Variants in RELA observed in about 807,000 individuals in gnomAD.
The protein encoded by RELA is transcription factor p65.
A neutral mutation model predicts 56.7 loss-of-function variants in RELA; 14 were observed. The observed-to-expected ratio is 0.25, with a 90% CI of 0.16 to 0.39. The LOEUF (loss-of-function observed/expected upper bound fraction) is 0.39, where lower values mean the gene tolerates loss of function less well. RELA is among the 10% of genes least tolerant of loss of function. The pLI is 1.00. For missense variants in RELA, 559 were observed against 736.4 expected (o/e 0.76, Z 2.79); for synonymous variants, 315 against 289.7 (o/e 1.09, Z -0.89).
In RELA at chr11:65,658,090, G is replaced by A. The variant is rs556320179; in HGVS notation, c.877+197C>T. Among the ~76,000 whole-genome samples the A allele has an allele frequency of 6.6e-6, 1 of 152,308 alleles. No homozygotes were observed. The highest frequency in any genetic ancestry group is 2.1e-4 in the South Asian group (1 of 4,822). On this transcript the variant is annotated intron_variant, in intron 8 of 10. Coordinates refer to ENST00000406246, the MANE Select transcript of RELA (RefSeq NM_021975.4). This position sits in a 1 kb window ranked among gnomAD's most constrained non-coding sequence, Gnocchi z 4.5. The stretch of plus-strand genomic sequence containing the variant: ...TAATCCAGTGAAGTGCCTGGAATAG[G>A]GGCAGATGTGTAGTACTAGCTCAAT...
chr11:65,660,317 G>A (rs1217989402), intron 4 of RELA, 102 bp from the exon 5 acceptor site: 2 of 1,009,372 alleles, frequency 2.0e-6, no homozygotes, highest in East Asian at 2.5e-5. Context: ...CTAGATCATC[G>A]CTCCATGCCT....
chr11:65,657,044 C>A (rs969216298), intron 8 of RELA, among the ~76,000 whole-genome samples: 9 of 130,456 alleles, frequency 6.9e-5, no homozygotes, highest in Non-Finnish European at 8.3e-5. Flanking sequence ...CAAACAAAAC[C>A]AAACCAGAAA....
At chr11:65,662,422 G>C (rs1398579574) in intron 1 of RELA, 5 of 555,266 alleles carry the variant, frequency 9.0e-6, no homozygotes, top group Non-Finnish European at 1.5e-5. Flanking sequence ...TTCTTCTCCA[G>C]AGGGAAGCTG....
chr11:65,656,012 G>C (rs757429799), intron 8 of RELA, 77 bp from the exon 9 acceptor site: 1 of 1,249,938 alleles, frequency 8.0e-7, no homozygotes, highest in African/African-American at 1.5e-5. Context: ...CCCTCAGGAG[G>C]AAGGGGAGGA....
Position 65,654,022 on chromosome 11 carries a change from G to A in RELA, c.*356C>T, listed in dbSNP as rs1384775571. On this transcript the variant is annotated 3_prime_UTR_variant, in exon 11 of 11. Transcript: ENST00000406246. ...CTTGATAAGGCTTTGTGGGCTCAAA[G>A]GCCTTACCTCCAGCCTGCTTCTGTC... The A allele has an allele frequency of 5.6e-6, 2 of 356,420 alleles. No individual in the cohort carries two copies. 22.1% of individuals were successfully genotyped at this position (356,420 alleles called of 1,614,324 possible).
upstream of RELA, among the ~76,000 whole-genome samples, chr11:65,663,327 G>A (rs955508622): frequency 6.6e-6 from 1 of 152,198 alleles, no homozygotes; most frequent in African/African-American, 2.4e-5. Flanking sequence ...CGCAGAGGCC[G>A]GGTGGTTGAA....
intron 4 of RELA, among the ~76,000 whole-genome samples, chr11:65,661,195 T>C (rs1321352255): frequency 6.6e-6 from 1 of 152,102 alleles, no homozygotes; most frequent in Non-Finnish European, 1.5e-5. Flanking sequence ...ACCCAGCTAA[T>C]TTCTTATTTT....
chr11:65,659,149 G>A (rs748557278), intron 6 of RELA, among the ~76,000 whole-genome samples: 4 of 152,106 alleles, frequency 2.6e-5, no homozygotes, highest in Non-Finnish European at 5.9e-5. Flanking sequence ...AATCTTTAAG[G>A]CCAGTCCATA....
chr11:65,655,800 G>A (rs1856410258), intron 9 of RELA, 38 bp from the exon 10 acceptor site: 5 of 1,613,156 alleles, frequency 3.1e-6, no homozygotes, highest in Middle Eastern at 1.6e-4. Context: ...CAGCCCCAGG[G>A]TGTCCCCTCC....
Position 65,658,326 on chromosome 11 carries a change from G to T in RELA, c.838C>A (p.Leu280Ile), listed in dbSNP as rs1856480861. 6.2e-7 allele frequency: 1 copy of T among 1,610,306 alleles called. No individual in the cohort carries two copies. The highest frequency in any genetic ancestry group is 1.1e-5 in the South Asian group (1 of 90,418). The change falls in exon 8 of 11, where the codon CTC becomes ATC. Residue 280 changes from leucine to isoleucine, a missense_variant. Physicochemically the swap from Leu to Ile is conservative, Grantham distance 5. Around this residue, in one of 4 missense-constraint regions of RELA, gnomAD observed 365 missense variants for 387.5 expected, o/e 0.94. Coordinates refer to ENST00000406246, the MANE Select transcript of RELA (RefSeq NM_021975.4). The surrounding 1 kb of genome is among the most constrained non-coding windows in gnomAD (Gnocchi z 4.5). Reference sequence around the variant, plus strand: ...TACTGGAATTCCATGGGCTCACTGAGCTCCCGGTCGGAAGGCCGCCGCAGC... The same window carrying T: ...TACTGGAATTCCATGGGCTCACTGATCTCCCGGTCGGAAGGCCGCCGCAGC... The part of the protein sequence containing the change: ...MQLRRPSDRE[L>I]SEPMEFQYLP...
At position 65,658,625 on chromosome 11, in the gene RELA, G is replaced by T; in HGVS notation, c.664+93C>A. On this transcript the variant is annotated intron_variant, in intron 7 of 10. Transcript: ENST00000406246. The surrounding 1 kb of genome is among the most constrained non-coding windows in gnomAD (Gnocchi z 4.5). ...CACCTGAGGCCCCCGAGGCACAGGA[G>T]GAAGTATCCAAAGCCAGTTACCTGA... 1 of 1,406,544 alleles carries T rather than the reference G, an allele frequency of 7.1e-7. No individual in the cohort carries two copies. 87.1% of individuals were successfully genotyped at this position (1,406,544 alleles called of 1,614,324 possible).
chr11:65,658,399 A>G lies in RELA; in HGVS notation c.765T>C (p.Pro255=), dbSNP rs749822931. The G allele has an allele frequency of 1.2e-6, 2 of 1,613,808 alleles. No homozygotes were observed. The highest frequency in any genetic ancestry group is 1.3e-5 in the African/African-American group (1 of 74,896). Residue 255 remains proline (P), a synonymous_variant, in exon 8 of 11, where the codon CCT becomes CCC. Transcript: ENST00000406246. This position sits in a 1 kb window ranked among gnomAD's most constrained non-coding sequence, Gnocchi z 4.5. ...HRQVAIVFRT[P]PYADPSLQAP... ...CCTGCAGGCTGGGGTCTGCGTAGGG[A>G]GGGGTCCGGAACACAATGGCCACTT...
In RELA at chr11:65,659,735, T is replaced by A. The variant is rs1457182302; in HGVS notation, c.490A>T (p.Thr164Ser). Residue 164 changes from threonine (T) to serine (S), a missense_variant, in exon 6 of 11, where the codon ACA (threonine) becomes TCA (serine). This residue lies in a region of RELA where 149 missense variants were observed against 256.0 expected (regional missense o/e 0.58). Transcript: ENST00000406246. ...LNAVRLCFQV[T>S]VRDPSGRPLR... Reference sequence around the variant, plus strand: ...GGCCTGCCTGATGGGTCCCGCACTGTCACCTGGAAGCAGAGCCGCACAGCA... The same window carrying A: ...GGCCTGCCTGATGGGTCCCGCACTGACACCTGGAAGCAGAGCCGCACAGCA... 1 of 1,613,784 alleles carries A rather than the reference T, an allele frequency of 6.2e-7. No homozygotes were observed. Among genetic ancestry groups the A allele is most frequent in the African/African-American group, 1.3e-5 (1 of 74,894 alleles).
In RELA at chr11:65,661,834, A is replaced by T; in HGVS notation, c.188T>A (p.Ile63Asn). 1 of 1,610,170 alleles carries T rather than the reference A, an allele frequency of 6.2e-7. No individual in the cohort carries two copies. Among genetic ancestry groups the T allele is most frequent in the Non-Finnish European group, 8.5e-7 (1 of 1,177,692 alleles). Residue 63 changes from isoleucine to asparagine, a missense_variant and splice_region_variant, in exon 4 of 11, where the codon ATC (isoleucine) becomes AAC (asparagine). Physicochemically the swap from Ile to Asn is moderately radical, Grantham distance 149. Coordinates refer to ENST00000406246, the MANE Select transcript of RELA (RefSeq NM_021975.4). ...DTTKTHPTIKINGYTGPGTVR... is the reference protein window; with the variant it reads ...DTTKTHPTIKNNGYTGPGTVR... ...TGTCCCTGGTCCTGTGTAGCCATTG[A>T]TCTGTCCAAAGTACAGAGGCCCAGA...
chr11:65,657,628 C>A (rs2135558002), intron 8 of RELA, among the ~76,000 whole-genome samples: 1 of 152,324 alleles, frequency 6.6e-6, no homozygotes, highest in East Asian at 1.9e-4. Context: ...GGAGAACACA[C>A]TTCTGTGTCT....
Position 65,655,004 on chromosome 11 carries a change from G to C in RELA, c.1034-4C>G. On this transcript the variant is annotated splice_region_variant and splice_polypyrimidine_tract_variant and intron_variant, in intron 10 of 10. Transcript: ENST00000406246. ...GTAAAGGGATAGGGCTGGGGTGCTGGAGGAGAGAGACAGAGAGGCAGGGGT... is the reference window on the plus strand; with the variant it reads ...GTAAAGGGATAGGGCTGGGGTGCTGCAGGAGAGAGACAGAGAGGCAGGGGT... 1 of 1,591,726 alleles carries C rather than the reference G, an allele frequency of 6.3e-7. No homozygotes were observed. The highest frequency in any genetic ancestry group is 8.5e-7 in the Non-Finnish European group (1 of 1,169,644).
intron 3 of RELA, 30 bp downstream of exon 3, chr11:65,661,907 C>T (rs1308860173): frequency 1.2e-6 from 2 of 1,607,434 alleles, no homozygotes; most frequent in Non-Finnish European, 1.7e-6. Flanking sequence ...TCCACAGTCC[C>T]TTCCCCGCAC....
upstream of RELA, among the ~76,000 whole-genome samples, chr11:65,663,801 C>G (rs1226866115): frequency 6.6e-6 from 1 of 152,036 alleles, no homozygotes; most frequent in Admixed American, 6.5e-5. Context: ...GTCATGTGAC[C>G]CCACAGTGCA....
At chr11:65,655,626 A>G in intron 10 of RELA, 62 bp downstream of exon 10, 6 of 1,514,346 alleles carry the variant, frequency 4.0e-6, no homozygotes, top group Non-Finnish European at 5.5e-6. Context: ...CTTCATCTCC[A>G]CTGCTCCTCA....
Sources: allele counts gnomAD v4.1 joint callset (sites outside exome capture counted in the v4.1 genomes callset), GRCh38; gene constraint gnomAD v4.1.1; regional missense constraint gnomAD v4.1.1; non-coding constraint Gnocchi (gnomAD v3.1); transcripts MANE v1.5; gene names NCBI Gene and HGNC (gene_info 2026-07-23, HGNC 2026-07-21).